Variants in PTPRE observed in about 807,000 individuals in gnomAD.
PTPRE encodes the protein receptor-type tyrosine-protein phosphatase epsilon.
PTPRE carries 51 observed loss-of-function variants against 102.0 expected under a neutral mutation model. That is an observed-to-expected ratio of 0.50 (90% CI 0.40 to 0.63). PTPRE has a LOEUF of 0.63. Among genes scored for constraint, PTPRE ranks in the 30% least tolerant of loss-of-function variants. PTPRE has a pLI of 0.00. For missense variants in PTPRE, 752 were observed against 915.1 expected (o/e 0.82, Z 2.30); for synonymous variants, 345 against 348.2 (o/e 0.99, Z 0.10).
At chr10:127,931,472 G>A (rs1021797960) in intron 1 of PTPRE, among the ~76,000 whole-genome samples, 1 of 152,182 alleles carries the variant, frequency 6.6e-6, no homozygotes. Context: ...TCCGCCTCAA[G>A]GCAGAAGCTG....
At chr10:127,957,985 C>T (rs960809197) in intron 1 of PTPRE, among the ~76,000 whole-genome samples, 10 of 152,070 alleles carry the variant, frequency 6.6e-5, no homozygotes, top group African/African-American at 2.4e-4. Context: ...TTTTAAATTT[C>T]ACTTGTTCAC....
chr10:128,032,259 A>T (rs906842866), intron 2 of PTPRE, among the ~76,000 whole-genome samples: 2 of 152,120 alleles, frequency 1.3e-5, no homozygotes, highest in Non-Finnish European at 2.9e-5. Flanking sequence ...CAGGTGATCC[A>T]CCTGCCTTGG....
intron 1 of PTPRE, among the ~76,000 whole-genome samples, chr10:127,930,250 A>T (rs1847329999): frequency 6.6e-6 from 1 of 152,102 alleles, no homozygotes; most frequent in South Asian, 2.1e-4. Flanking sequence ...CCCCCGAAAA[A>T]AAAAATCTGT....
At chr10:127,963,053 A>G (rs1487374864) in intron 1 of PTPRE, among the ~76,000 whole-genome samples, 1 of 152,190 alleles carries the variant, frequency 6.6e-6, no homozygotes, top group Non-Finnish European at 1.5e-5. Context: ...CTGAGGCTGC[A>G]GGAAAGATGT....
intron 1 of PTPRE, among the ~76,000 whole-genome samples, chr10:127,917,349 T>G (rs913844230): frequency 6.6e-6 from 1 of 152,074 alleles, no homozygotes; most frequent in Non-Finnish European, 1.5e-5. Context: ...GTGCCAATGT[T>G]TGTGCTTCAC....
rs751460267 is a variant in PTPRE, at chr10:128,040,950, C to T, written c.69C>T (p.Asn23=). 27 of 1,613,920 alleles carry T rather than the reference C, an allele frequency of 1.7e-5. No individual in the cohort carries two copies. The East Asian group carries it at 2.5e-4, about 15-fold the overall frequency. Residue 23 remains asparagine, a synonymous_variant, in exon 3 of 21, where the codon AAC becomes AAT. Coordinates refer to ENST00000254667, the MANE Select transcript of PTPRE (RefSeq NM_006504.6). ...CGCTCGCCAGGGCTCTCAGGGGCAA[C>T]GAGACCACTGCCGACAGCAACGAGA... The part of the protein sequence containing the change: ...SLPLARALRG[N]ETTADSNETT...
At chr10:127,930,951 C>T (rs536610998) in intron 1 of PTPRE, among the ~76,000 whole-genome samples, 6 of 152,170 alleles carry the variant, frequency 3.9e-5, no homozygotes, top group Admixed American at 1.3e-4. Context: ...TGCCACCACA[C>T]TCAGCTAATT....
chr10:128,001,837 A>T (rs1853935707), intron 2 of PTPRE, among the ~76,000 whole-genome samples: 1 of 152,316 alleles, frequency 6.6e-6, no homozygotes, highest in Non-Finnish European at 1.5e-5. Context: ...GCACGCTGTC[A>T]TCTGGAGTAA....
At chr10:127,953,177 A>G (rs1322669609) in intron 1 of PTPRE, among the ~76,000 whole-genome samples, 1 of 152,254 alleles carries the variant, frequency 6.6e-6, no homozygotes. Context: ...AAGGCTCTGC[A>G]ATAGATCCAG....
In PTPRE at chr10:127,921,114, TG is replaced by T. The variant is rs1183028289; in HGVS notation, c.-31+13810del. 1.1e-4 allele frequency among the ~76,000 whole-genome samples: 17 copies of T among 152,294 alleles called. No individual in the cohort carries two copies. The East Asian group carries it at 3.3e-3, about 29-fold the overall frequency. On this transcript the variant is annotated intron_variant, in intron 1 of 20. Coordinates refer to ENST00000254667, the MANE Select transcript of PTPRE (RefSeq NM_006504.6). Reference sequence around the variant, plus strand: ...CCTTTGGCAAGTGTCCTATTTTCAGTGGGGGTCCAGGGCAATAAATGAAATA... The same window carrying T: ...CCTTTGGCAAGTGTCCTATTTTCAGTGGGGTCCAGGGCAATAAATGAAATA...
At chr10:127,939,859 G>T (rs908959108) in intron 1 of PTPRE, among the ~76,000 whole-genome samples, 1 of 151,250 alleles carries the variant, frequency 6.6e-6, no homozygotes, top group Non-Finnish European at 1.5e-5. Context: ...GATGTGGGCA[G>T]GTGGAGGCAG....
intron 2 of PTPRE, among the ~76,000 whole-genome samples, chr10:127,993,611 A>G (rs927272151): frequency 1.3e-5 from 2 of 152,218 alleles, no homozygotes; most frequent in African/African-American, 4.8e-5. Flanking sequence ...AAGGGGGAGT[A>G]GGGAGAAGAC....
intron 4 of PTPRE, 40 bp from the exon 5 acceptor site, chr10:128,047,724 C>G (rs770615630): frequency 3.7e-6 from 6 of 1,613,474 alleles, no homozygotes; most frequent in Admixed American, 1.7e-5. Flanking sequence ...TCTCGGGGAA[C>G]CTAGAAGTGT....
intron 20 of PTPRE, among the ~76,000 whole-genome samples, chr10:128,081,888 C>T (rs1851738538): frequency 2.0e-5 from 3 of 152,214 alleles, no homozygotes; most frequent in Non-Finnish European, 1.5e-5. Context: ...GGCATCTTTC[C>T]ACCCAAAAGC....
intron 1 of PTPRE, among the ~76,000 whole-genome samples, chr10:127,981,462 C>T (rs956447848): frequency 6.6e-6 from 1 of 151,960 alleles, no homozygotes; most frequent in African/African-American, 2.4e-5. Flanking sequence ...TGAACTTTAT[C>T]GTATGAAAAT....
In PTPRE at chr10:128,077,525, C is replaced by T. The variant is rs1851317121; in HGVS notation, c.1726-92C>T. On this transcript the variant is annotated intron_variant, in intron 18 of 20. Coordinates refer to ENST00000254667, the MANE Select transcript of PTPRE (RefSeq NM_006504.6). ...CAGCACAGAAGGCTCAGGGAGGGCT[C>T]CCAGCCTTGGCCAATCCCTGAGAGG... 1.9e-5 allele frequency: 28 copies of T among 1,482,244 alleles called. No homozygotes were observed. The South Asian group carries it at 3.6e-4, about 19-fold the overall frequency. 91.8% of individuals were successfully genotyped at this position (1,482,244 alleles called of 1,614,324 possible). A position where few individuals can be genotyped will look rare whatever the true frequency, so the allele number is the denominator to read the frequency against.
chr10:127,934,427 A>G (rs747370489), intron 1 of PTPRE: 4 of 152,208 alleles, frequency 2.6e-5, no homozygotes, highest in African/African-American at 4.8e-5. Flanking sequence ...GTAAGACGCT[A>G]TCCTCAAATT....
chr10:127,916,987 G>A (rs889105849), intron 1 of PTPRE, among the ~76,000 whole-genome samples: 2 of 152,112 alleles, frequency 1.3e-5, no homozygotes, highest in African/African-American at 4.8e-5. Context: ...ACAGAGCCCA[G>A]CAGCATGCTC....
At chr10:127,955,325 T>TAC (rs1564825315) in intron 1 of PTPRE, among the ~76,000 whole-genome samples, 46 of 135,672 alleles carry the variant, frequency 3.4e-4, no homozygotes, top group South Asian at 1.7e-3. Flanking sequence ...TACATACATA[T>TAC]ATACATACAC....
Sources: gnomAD v4.1 joint callset for allele counts (sites outside exome capture counted in the v4.1 genomes callset) on GRCh38, gnomAD v4.1.1 for gene constraint, MANE v1.5 for transcripts, NCBI Gene and HGNC (gene_info 2026-07-23, HGNC 2026-07-21) for gene names.